SPATC1: variants seen among roughly 807,000 people sequenced by gnomAD.
SPATC1 encodes spermatogenesis and centriole associated 1, also known as speriolin.
Under a neutral mutation model 36.5 loss-of-function variants are expected in SPATC1, and 35 were observed. The ratio of observed to expected loss-of-function variants is 0.96; its 90% CI spans 0.73 to 1.27. The LOEUF is 1.27. Among genes scored for constraint, SPATC1 ranks in the 50% most tolerant of loss-of-function variants. The pLI, the probability that SPATC1 is intolerant of heterozygous loss-of-function variation, is 0.00. For missense variants in SPATC1, 779 were observed against 796.0 expected, an observed-to-expected ratio of 0.98 and a Z score of 0.26; for synonymous variants, 361 against 353.6, an observed-to-expected ratio of 1.02 and a Z score of -0.24.
intron 1 of SPATC1, among the ~76,000 whole-genome samples, chr8:144,017,942 G>T (rs1834426531): frequency 6.6e-6 from 1 of 152,186 alleles, no homozygotes. Context: ...AGCACTATGA[G>T]CCTGAAGCTC....
In SPATC1 at chr8:144,043,842, G is replaced by A. The variant is rs144018150; in HGVS notation, c.1446+2471G>A. Among the ~76,000 whole-genome samples the A allele has an allele frequency of 5.2e-3, 793 of 152,284 alleles. 22 individuals carry two copies. The highest frequency in any genetic ancestry group is 0.046 in the Admixed American group (705 of 15,286). ...CTGCCACTCACTTGCCGTGGAGCCC[G>A]TCCGTGGCAGTGTCCCGAGTGCTGC... On this transcript the variant is annotated intron_variant, in intron 4 of 4. Transcript: ENST00000377470.
chr8:144,039,939 C>G lies in SPATC1; in HGVS notation c.242C>G (p.Ala81Gly). 6.2e-7 allele frequency: 1 copy of G among 1,613,882 alleles called. No individual in the cohort carries two copies. Among genetic ancestry groups the G allele is most frequent in the Non-Finnish European group, 8.5e-7 (1 of 1,179,950 alleles). ...TTCCTGCCCCCGTCCCCAGCAGTGG[C>G]AAACGAACGAGTCCTCGAAGAAGTG... Reference protein sequence around the residue: ...GVFLPPSPAVANERVLEEVGI... With the variant: ...GVFLPPSPAVGNERVLEEVGI... Residue 81 changes from alanine to glycine, a missense_variant, in exon 2 of 5, where the codon GCA becomes GGA. By Grantham distance (60) the Ala-to-Gly change is moderately conservative (BLOSUM62 0). Coordinates refer to ENST00000377470, the MANE Select transcript of SPATC1 (RefSeq NM_198572.3).
chr8:144,040,106 C>G lies in SPATC1; in HGVS notation c.409C>G (p.Leu137Val). The G allele has an allele frequency of 1.2e-6, 2 of 1,611,246 alleles. No individual in the cohort carries two copies. The highest frequency in any genetic ancestry group is 2.7e-5 in the African/African-American group (2 of 75,026). Residue 137 changes from leucine (L) to valine (V), a missense_variant, in exon 2 of 5, where the codon CTC (leucine) becomes GTC (valine). By Grantham distance (32) the Leu-to-Val change is conservative. Transcript: ENST00000377470. ...GPAPTSQSSPLTSFLTSPIAG... is the reference protein window; with the variant it reads ...GPAPTSQSSPVTSFLTSPIAG... Reference sequence around the variant, plus strand: ...AGCACCCACGTCACAGAGCAGCCCCCTCACCAGCTTCCTGACCAGTCCCAT... The same window carrying G: ...AGCACCCACGTCACAGAGCAGCCCCGTCACCAGCTTCCTGACCAGTCCCAT...
chr8:144,020,631 C>T (rs1834498181), intron 1 of SPATC1, among the ~76,000 whole-genome samples: 1 of 151,054 alleles, frequency 6.6e-6, no homozygotes, highest in Non-Finnish European at 1.5e-5. Context: ...GGACCCTCCT[C>T]CCTGAGTATA....
At chr8:144,043,073 G>A (rs186857825) in intron 4 of SPATC1, among the ~76,000 whole-genome samples, 43 of 147,890 alleles carry the variant, frequency 2.9e-4, no homozygotes, top group South Asian at 6.4e-4. Context: ...GCTCACTGCA[G>A]CCTCCGCCAC....
At chr8:144,030,073 G>T (rs1241163138) in intron 1 of SPATC1, among the ~76,000 whole-genome samples, 7 of 152,068 alleles carry the variant, frequency 4.6e-5, no homozygotes, top group African/African-American at 1.4e-4. Flanking sequence ...AACAATTTTT[G>T]ATTTAAAGTC....
chr8:144,031,777 G>A lies in SPATC1; in HGVS notation c.212-8132G>A, dbSNP rs1157665151. Among the ~76,000 whole-genome samples the A allele has an allele frequency of 1.4e-4, 20 of 141,134 alleles. No homozygotes were observed. In the South Asian group the frequency reaches 1.7e-3, roughly 12 times the overall value. 92.6% of individuals were successfully genotyped at this position (141,134 alleles called of 152,430 possible). A position where few individuals can be genotyped will look rare whatever the true frequency, so the allele number is the denominator to read the frequency against. ...CTCACTCTGTCACCCATCATGTAGC[G>A]GCATGATCTTGGCTCACTGCAGCCT... On this transcript the variant is annotated intron_variant, in intron 1 of 4. Coordinates refer to ENST00000377470, the MANE Select transcript of SPATC1 (RefSeq NM_198572.3).
intron 1 of SPATC1, among the ~76,000 whole-genome samples, chr8:144,014,473 AGAAG>A (rs1437279453): frequency 2.0e-5 from 3 of 151,450 alleles, no homozygotes; most frequent in African/African-American, 4.9e-5. Context: ...AAAGAAAAGA[AGAAG>A]GAAGGAAGGA....
At chr8:144,033,544 T>G (rs1834839975) in intron 1 of SPATC1, among the ~76,000 whole-genome samples, 1 of 152,232 alleles carries the variant, frequency 6.6e-6, no homozygotes, top group African/African-American at 2.4e-5. Context: ...TCTGATCATT[T>G]TTGCCAGCTT....
chr8:144,045,299 T>A lies in SPATC1; in HGVS notation c.1447-1328T>A, dbSNP rs1434679975. ...CTCCAGCTGGGGAGAGACAGGCGCA[T>A]CCCAGGCACGTCCCAGGCAACAGGG... On this transcript the variant is annotated intron_variant, in intron 4 of 4. Coordinates refer to ENST00000377470, the MANE Select transcript of SPATC1 (RefSeq NM_198572.3). The surrounding 1 kb of genome is among the most constrained non-coding windows in gnomAD (Gnocchi z 5.2). Among the ~76,000 whole-genome samples the A allele has an allele frequency of 6.6e-6, 1 of 152,210 alleles. No individual in the cohort carries two copies. The highest frequency in any genetic ancestry group is 2.4e-5 in the African/African-American group (1 of 41,440).
In SPATC1 at chr8:144,040,015, C is replaced by T. The variant is rs1554755398; in HGVS notation, c.318C>T (p.Pro106=). The T allele has an allele frequency of 6.2e-7, 1 of 1,613,702 alleles. No individual in the cohort carries two copies. The highest frequency in any genetic ancestry group is 1.3e-5 in the African/African-American group (1 of 74,898). Reference sequence around the variant, plus strand: ...CCGAGATGCTAACCAGCTTGCAGCCCAGCGCCACACCGGGCTCACTCATGA... The same window carrying T: ...CCGAGATGCTAACCAGCTTGCAGCCTAGCGCCACACCGGGCTCACTCATGA... ...PLAEMLTSLQ[P]SATPGSLMSP... Residue 106 remains proline, a synonymous_variant, in exon 2 of 5, where the codon CCC becomes CCT. Transcript: ENST00000377470.
At position 144,040,814 on chromosome 8, in the gene SPATC1, C is replaced by A. The variant is rs1554755804; in HGVS notation, c.1013C>A (p.Ala338Asp). The change falls in exon 3 of 5, where the codon GCC becomes GAC. Residue 338 changes from alanine to aspartate, a missense_variant. By Grantham distance (126) the Ala-to-Asp change is moderately radical. Transcript: ENST00000377470. ...CCCACGGTCACCGTCCTTGCCTCTGCCCCCGCCCTTGCCCCCCAGGTTGCC... is the reference window on the plus strand; with the variant it reads ...CCCACGGTCACCGTCCTTGCCTCTGACCCCGCCCTTGCCCCCCAGGTTGCC... ...TSPTVTVLAS[A>D]PALAPQVATS... is the part of the protein sequence containing the mutation. The A allele has an allele frequency of 7.8e-7, 1 of 1,280,938 alleles. No individual in the cohort carries two copies. Among genetic ancestry groups the A allele is most frequent in the Non-Finnish European group, 1.0e-6 (1 of 971,610 alleles). The allele number at this position is 1,280,938 out of a possible 1,614,324, so 79.3% of individuals were successfully genotyped here. A position where few individuals can be genotyped will look rare whatever the true frequency, so the allele number is the denominator to read the frequency against.
rs1834480638 is a variant in SPATC1, at chr8:144,020,246, T to C, written c.211+7520T>C. ...AGGAGGCTGTTCTCTCAGGACACTCTTCCCTGAAGACCCTCTCCGCTGAAG... is the reference window on the plus strand; with the variant it reads ...AGGAGGCTGTTCTCTCAGGACACTCCTCCCTGAAGACCCTCTCCGCTGAAG... On this transcript the variant is annotated intron_variant, in intron 1 of 4. Transcript: ENST00000377470. Among the ~76,000 whole-genome samples the C allele has an allele frequency of 2.7e-5, 4 of 150,220 alleles. No homozygotes were observed. In the South Asian group the frequency reaches 8.5e-4, roughly 32 times the overall value.
chr8:144,027,334 C>T (rs1834705361), intron 1 of SPATC1, among the ~76,000 whole-genome samples: 1 of 152,200 alleles, frequency 6.6e-6, no homozygotes, highest in African/African-American at 2.4e-5. Flanking sequence ...TCTTTATATA[C>T]ACTGGATATA....
At chr8:144,042,855 A>AT (rs1312497431) in intron 4 of SPATC1, among the ~76,000 whole-genome samples, 6 of 150,506 alleles carry the variant, frequency 4.0e-5, no homozygotes, top group African/African-American at 1.2e-4. Flanking sequence ...CCCTATTGCA[A>AT]TTTTTTTTAA....
At chr8:144,027,933 C>A (rs1834718360) in intron 1 of SPATC1, among the ~76,000 whole-genome samples, 1 of 151,848 alleles carries the variant, frequency 6.6e-6, no homozygotes, top group African/African-American at 2.4e-5. Context: ...GCAGAGTTTG[C>A]AGTGAGCCAA....
chr8:144,039,157 T>C (rs190033503), intron 1 of SPATC1, among the ~76,000 whole-genome samples: 16 of 152,140 alleles, frequency 1.1e-4, no homozygotes, highest in African/African-American at 3.4e-4. Flanking sequence ...ACAAAAACCT[T>C]CTCTGCACTC....
intron 1 of SPATC1, among the ~76,000 whole-genome samples, chr8:144,019,827 C>G (rs1023712163): frequency 5.9e-5 from 9 of 151,856 alleles, no homozygotes; most frequent in Non-Finnish European, 1.2e-4. Context: ...TCATCCCAGC[C>G]CTCACCACCC....
intron 1 of SPATC1, among the ~76,000 whole-genome samples, chr8:144,026,990 T>TTC (rs1834694603): frequency 7.0e-6 from 1 of 143,728 alleles, no homozygotes; most frequent in Non-Finnish European, 1.5e-5. Flanking sequence ...TTTTTTTCTT[T>TTC]TTTTTTTTTT....
Sources: allele counts gnomAD v4.1 joint callset (sites outside exome capture counted in the v4.1 genomes callset), GRCh38; gene constraint gnomAD v4.1.1; non-coding constraint Gnocchi (gnomAD v3.1); transcripts MANE v1.5; gene names NCBI Gene and HGNC (gene_info 2026-07-23, HGNC 2026-07-21).